Variants in SAMD5 observed in about 807,000 individuals in gnomAD.
SAMD5 encodes the protein sterile alpha motif domain-containing protein 5.
SAMD5 carries 13 observed loss-of-function variants against 11.3 expected under a neutral mutation model. The observed-to-expected ratio is 1.15, with a 90% CI of 0.75 to 1.83. The LOEUF (loss-of-function observed/expected upper bound fraction) is 1.83, where lower values mean the gene tolerates loss of function less well. SAMD5 is among the 40% of genes most tolerant of loss of function. The probability of loss-of-function intolerance (pLI) is 0.00; values close to 1 mark genes in which losing one functional copy is unlikely to be tolerated. For missense variants in SAMD5, 255 were observed against 239.1 expected (o/e 1.07, Z -0.44); for synonymous variants, 129 against 111.3 (o/e 1.16, Z -1.00).
chr6:147,904,905 T>C, the SAMD5 span, among the ~76,000 whole-genome samples: 1 of 135,612 alleles, frequency 7.4e-6, no homozygotes, highest in African/African-American at 2.9e-5. Flanking sequence ...TTTTTTTTTT[T>C]GAGGCGGAGT....
At chr6:147,673,248 C>G (rs1263114615) in intron 1 of SAMD5, among the ~76,000 whole-genome samples, 1 of 150,718 alleles carries the variant, frequency 6.6e-6, no homozygotes, top group Non-Finnish European at 1.5e-5. Context: ...GAGTCTTGCT[C>G]TGTTGCCCAG....
intron 1 of SAMD5, among the ~76,000 whole-genome samples, chr6:147,656,273 A>G (rs2128453862): frequency 6.6e-6 from 1 of 152,318 alleles, no homozygotes; most frequent in South Asian, 2.1e-4. Flanking sequence ...TACAACTTGA[A>G]CACAGAGAGA....
rs1225106734 is a variant in SAMD5 at position 147,568,795 on chromosome 6, TA to T, written c.*4345del. 5.2e-6 allele frequency: 5 copies of T among 963,984 alleles called. No individual in the cohort carries two copies. The highest frequency in any genetic ancestry group is 1.8e-5 in the African/African-American group (1 of 56,734). 59.7% of individuals were successfully genotyped at this position (963,984 alleles called of 1,614,324 possible). A position where few individuals can be genotyped will look rare whatever the true frequency, so the allele number is the denominator to read the frequency against. ...ATTTTACACTATCAGATTCTTTGATTAAAAAATCATCTTCAGCTTTACATTA... is the reference window on the plus strand; with the variant it reads ...ATTTTACACTATCAGATTCTTTGATTAAAAATCATCTTCAGCTTTACATTA... On this transcript the variant is annotated 3_prime_UTR_variant, in exon 2 of 2. Transcript: ENST00000367474.
chr6:147,853,610 C>T, the SAMD5 span, among the ~76,000 whole-genome samples: 1 of 141,570 alleles, frequency 7.1e-6, no homozygotes, highest in South Asian at 2.4e-4. Context: ...GGTAAATTAC[C>T]TTTTGAAAAG....
chr6:147,778,963 G>A, the SAMD5 span, among the ~76,000 whole-genome samples: 4 of 147,646 alleles, frequency 2.7e-5, no homozygotes, highest in African/African-American at 1.0e-4. Flanking sequence ...CAGGAAGCCC[G>A]CTTGGATTTT....
At chr6:147,850,067 C>T in the SAMD5 span, among the ~76,000 whole-genome samples, 1 of 152,172 alleles carries the variant, frequency 6.6e-6, no homozygotes, top group Non-Finnish European at 1.5e-5. Flanking sequence ...TTTGTTTAAA[C>T]TTGACTTGCA....
At chr6:147,675,413 T>C (rs1162501315) in intron 1 of SAMD5, among the ~76,000 whole-genome samples, 1 of 152,206 alleles carries the variant, frequency 6.6e-6, no homozygotes, top group Non-Finnish European at 1.5e-5. Context: ...GAATACCTCA[T>C]ATACATCCGT....
intron 1 of SAMD5, among the ~76,000 whole-genome samples, chr6:147,579,232 T>G (rs1388534088): frequency 1.3e-5 from 2 of 152,222 alleles, no homozygotes; most frequent in Admixed American, 6.5e-5. Context: ...CAGTGTCAAA[T>G]AAATTCCTGA....
At chr6:147,717,041 A>C (rs1046792759) in intron 1 of SAMD5, among the ~76,000 whole-genome samples, 2 of 152,158 alleles carry the variant, frequency 1.3e-5, no homozygotes, top group African/African-American at 2.4e-5. Flanking sequence ...CCTTTGTCTA[A>C]AACCTCCAGT....
At chr6:147,561,832 G>C (rs1788955390) in intron 1 of SAMD5, among the ~76,000 whole-genome samples, 1 of 152,158 alleles carries the variant, frequency 6.6e-6, no homozygotes, top group South Asian at 2.1e-4. Flanking sequence ...TGATCAGCCA[G>C]AAAAGAATGA....
At chr6:147,887,806 T>G in the SAMD5 span, among the ~76,000 whole-genome samples, 2 of 152,226 alleles carry the variant, frequency 1.3e-5, no homozygotes, top group Admixed American at 6.5e-5. Flanking sequence ...TGTGAGAGTT[T>G]CAGTTCCTCC....
chr6:147,711,027 AAGG>A lies in SAMD5; in HGVS notation c.163-26286_163-26284del, dbSNP rs886768055. On this transcript the variant is annotated intron_variant, in intron 1 of 1. Transcript: ENST00000566741. The surrounding 1 kb of genome is among the most constrained non-coding windows in gnomAD (Gnocchi z 4.1). ...AAATAAAGGAAGGAAGGAAATAAGGAAGGAGGGAAGGAAAATGAAAGAAGGAAG... is the reference window on the plus strand; with the variant it reads ...AAATAAAGGAAGGAAGGAAATAAGGAAGGGAAGGAAAATGAAAGAAGGAAG... 4.0e-5 allele frequency among the ~76,000 whole-genome samples: 6 copies of A among 150,850 alleles called. No homozygotes were observed. Among genetic ancestry groups the A allele is most frequent in the Admixed American group, 1.3e-4 (2 of 15,124 alleles).
intron 1 of SAMD5, among the ~76,000 whole-genome samples, chr6:147,631,565 GTT>G (rs774475331): frequency 2.0e-5 from 3 of 152,156 alleles, no homozygotes; most frequent in Non-Finnish European, 4.4e-5. Context: ...AGGCCAGTCT[GTT>G]ATGGAACTGT....
chr6:147,779,230 C>T, the SAMD5 span, among the ~76,000 whole-genome samples: 1 of 152,032 alleles, frequency 6.6e-6, no homozygotes, highest in Admixed American at 6.6e-5. Flanking sequence ...TGTTGAGGCC[C>T]TCCTCATAGG....
At chr6:147,662,979 A>G (rs1790668086) in intron 1 of SAMD5, among the ~76,000 whole-genome samples, 1 of 152,136 alleles carries the variant, frequency 6.6e-6, no homozygotes, top group Non-Finnish European at 1.5e-5. Context: ...TATACTAGTA[A>G]CTGTCTTGTA....
At chr6:147,921,610 A>G in the SAMD5 span, among the ~76,000 whole-genome samples, 12 of 152,190 alleles carry the variant, frequency 7.9e-5, no homozygotes, top group Middle Eastern at 3.2e-3. Flanking sequence ...AGACCACACA[A>G]TAATTGTGTG....
At chr6:147,670,519 G>T (rs769560463) in intron 1 of SAMD5, among the ~76,000 whole-genome samples, 8 of 152,206 alleles carry the variant, frequency 5.3e-5, no homozygotes, top group Non-Finnish European at 1.0e-4. Context: ...GTTTAGTTTA[G>T]CTGCTTTCAC....
chr6:147,689,738 G>A (rs1791073262), intron 1 of SAMD5, among the ~76,000 whole-genome samples: 1 of 152,186 alleles, frequency 6.6e-6, no homozygotes. Context: ...TCTTGATGCT[G>A]CAGGCCTTTC....
chr6:147,893,906 T>C, the SAMD5 span, among the ~76,000 whole-genome samples: 1 of 152,314 alleles, frequency 6.6e-6, no homozygotes, highest in Non-Finnish European at 1.5e-5. Flanking sequence ...AAAATGAATA[T>C]ATACATTTTT....
Sources: gnomAD v4.1 joint callset for allele counts (sites outside exome capture counted in the v4.1 genomes callset) on GRCh38, gnomAD v4.1.1 for gene constraint, Gnocchi (gnomAD v3.1) non-coding constraint, MANE v1.5 for transcripts, NCBI Gene and HGNC (gene_info 2026-07-23, HGNC 2026-07-21) for gene names.